WDR7: variants seen among roughly 807,000 people sequenced by gnomAD.
WDR7 encodes the protein WD repeat domain 7, also known as WD repeat-containing protein 7.
WDR7 carries 46 observed loss-of-function variants against 169.4 expected under a neutral mutation model. The ratio of observed to expected loss-of-function variants is 0.27; its 90% CI spans 0.21 to 0.35. The LOEUF (loss-of-function observed/expected upper bound fraction) is 0.35, where lower values mean the gene tolerates loss of function less well. Among genes scored for constraint, WDR7 ranks in the 10% least tolerant of loss-of-function variants. The probability of loss-of-function intolerance (pLI) is 1.00; values close to 1 mark genes in which losing one functional copy is unlikely to be tolerated. For missense variants in WDR7, 1,534 were observed against 1,859.3 expected (o/e 0.83, Z 3.22); for synonymous variants, 612 against 666.8 (o/e 0.92, Z 1.27).
At chr18:56,994,252 G>A (rs183282875) in intron 26 of WDR7, among the ~76,000 whole-genome samples, 28 of 152,152 alleles carry the variant, frequency 1.8e-4, no homozygotes, top group African/African-American at 6.5e-4. Flanking sequence ...TCGAACTCCT[G>A]AGCTCAAGCG....
At chr18:56,775,890 C>T (rs1050266343) in intron 16 of WDR7, among the ~76,000 whole-genome samples, 1 of 152,082 alleles carries the variant, frequency 6.6e-6, no homozygotes, top group Non-Finnish European at 1.5e-5. Context: ...TATTGCTGTT[C>T]AATGACAGAA....
intron 19 of WDR7, among the ~76,000 whole-genome samples, chr18:56,786,829 G>A (rs1377595810): frequency 1.3e-5 from 2 of 151,738 alleles, no homozygotes; most frequent in East Asian, 3.9e-4. Flanking sequence ...TCTTTAGCAT[G>A]TTTGTTGCTT....
intron 26 of WDR7, chr18:57,010,338 T>C: frequency 1.0e-6 from 1 of 970,652 alleles, no homozygotes; most frequent in South Asian, 4.8e-5. Context: ...TCACTATTCT[T>C]TTATTTAAAA....
intron 16 of WDR7, among the ~76,000 whole-genome samples, chr18:56,764,755 T>A (rs1055212491): frequency 6.6e-6 from 1 of 152,136 alleles, no homozygotes; most frequent in African/African-American, 2.4e-5. Context: ...TTTATAACTG[T>A]CAGTCAGGTC....
At chr18:56,722,783 G>C (rs2144762703) in intron 13 of WDR7, among the ~76,000 whole-genome samples, 1 of 152,058 alleles carries the variant, frequency 6.6e-6, no homozygotes, top group Middle Eastern at 3.4e-3. Flanking sequence ...TAATCACTAA[G>C]TCTTTCCCAT....
chr18:57,006,026 C>T (rs1403851489), intron 26 of WDR7, among the ~76,000 whole-genome samples: 1 of 152,228 alleles, frequency 6.6e-6, no homozygotes, highest in Non-Finnish European at 1.5e-5. Flanking sequence ...ACTACCTTCT[C>T]ATATACTTAC....
chr18:56,852,163 G>A lies in WDR7; in HGVS notation c.3305-27781G>A, dbSNP rs529086701. Among the ~76,000 whole-genome samples the A allele has an allele frequency of 5.9e-5, 9 of 152,214 alleles. No individual in the cohort carries two copies. The South Asian group carries it at 1.2e-3, about 21-fold the overall frequency. On this transcript the variant is annotated intron_variant, in intron 20 of 27. Coordinates refer to ENST00000254442, the MANE Select transcript of WDR7 (RefSeq NM_015285.3). ...CTGTATCACCCAGCTATAGAAAAAC[G>A]TGTTTTAAGGCCATAAATTCTGTCT... is the stretch of plus-strand genomic sequence containing the variant.
At chr18:56,938,730 A>C in intron 24 of WDR7, 48 bp downstream of exon 24, 1 of 1,599,642 alleles carries the variant, frequency 6.3e-7, no homozygotes, top group Non-Finnish European at 8.5e-7. Flanking sequence ...TAAATTAAAT[A>C]TTCTAATGAA....
intron 2 of WDR7, among the ~76,000 whole-genome samples, chr18:56,675,837 A>AT (rs959022148): frequency 5.9e-4 from 89 of 151,182 alleles, no homozygotes; most frequent in African/African-American, 1.9e-3. Context: ...TATTATTTTT[A>AT]TTTTTTTTGA....
intron 21 of WDR7, among the ~76,000 whole-genome samples, chr18:56,917,139 G>C (rs1321779075): frequency 6.6e-6 from 1 of 152,048 alleles, no homozygotes; most frequent in Non-Finnish European, 1.5e-5. Flanking sequence ...AGATGTTGCA[G>C]TGAGCCGAGA....
intron 20 of WDR7, among the ~76,000 whole-genome samples, chr18:56,817,343 C>T (rs918408809): frequency 1.4e-5 from 1 of 70,666 alleles, no homozygotes. Context: ...GACTCTGTCT[C>T]AAAAAAAAAA....
At chr18:56,909,772 TA>T (rs1268072474) in intron 21 of WDR7, among the ~76,000 whole-genome samples, 3 of 152,208 alleles carry the variant, frequency 2.0e-5, no homozygotes, top group African/African-American at 7.2e-5. Flanking sequence ...CTTTTCAGTC[TA>T]AATTTGATTA....
At chr18:56,911,369 AGACT>A (rs1215621057) in intron 21 of WDR7, among the ~76,000 whole-genome samples, 3 of 152,218 alleles carry the variant, frequency 2.0e-5, no homozygotes, top group Non-Finnish European at 4.4e-5. Context: ...AAAGATGTCC[AGACT>A]GAGAAACGGG....
At chr18:57,025,452 G>GA (rs2048354482) in intron 27 of WDR7, among the ~76,000 whole-genome samples, 1 of 152,126 alleles carries the variant, frequency 6.6e-6, no homozygotes, top group African/African-American at 2.4e-5. Context: ...AAGTTTTTGG[G>GA]AAAAGGAGAG....
At chr18:56,939,696 A>G (rs1009871307) in intron 25 of WDR7, among the ~76,000 whole-genome samples, 1 of 152,136 alleles carries the variant, frequency 6.6e-6, no homozygotes, top group Admixed American at 6.5e-5. Context: ...TTTACATTAT[A>G]CAATTGAGTT....
intron 14 of WDR7, among the ~76,000 whole-genome samples, chr18:56,736,639 A>T (rs1235155046): frequency 4.6e-5 from 7 of 151,784 alleles, no homozygotes; most frequent in African/African-American, 1.7e-4. Flanking sequence ...AACATTAAGA[A>T]TTGGGGTGTG....
At chr18:56,721,010 G>A (rs757136865) in intron 13 of WDR7, among the ~76,000 whole-genome samples, 6 of 151,614 alleles carry the variant, frequency 4.0e-5, no homozygotes, top group Non-Finnish European at 5.9e-5. Context: ...ACATCCTGGA[G>A]GTATTGACAT....
At chr18:56,796,791 C>T (rs1282084807) in intron 19 of WDR7, among the ~76,000 whole-genome samples, 2 of 152,084 alleles carry the variant, frequency 1.3e-5, no homozygotes, top group African/African-American at 2.4e-5. Flanking sequence ...AAGAAAATGA[C>T]ATTTCTTCCA....
At chr18:56,935,697 T>A in intron 22 of WDR7, 91 bp from the exon 23 acceptor site, 1 of 1,266,574 alleles carries the variant, frequency 7.9e-7, no homozygotes, top group Non-Finnish European at 1.1e-6. Context: ...CCCATTGACC[T>A]TGAACTGACA....
Sources: gnomAD v4.1 joint callset for allele counts (sites outside exome capture counted in the v4.1 genomes callset) on GRCh38, gnomAD v4.1.1 for gene constraint, MANE v1.5 for transcripts, NCBI Gene and HGNC (gene_info 2026-07-23, HGNC 2026-07-21) for gene names.